The following FHIP2A variants were observed in gnomAD, a reference collection of about 807,000 sequenced individuals.
FHIP2A encodes the protein family with sequence similarity 160 member B1.
In FHIP2A, 46 loss-of-function variants were observed where a neutral mutation model predicts 93.5. The ratio of observed to expected loss-of-function variants is 0.49; its 90% CI spans 0.39 to 0.63. FHIP2A has a LOEUF of 0.63. FHIP2A is among the 20% of genes least tolerant of loss of function. FHIP2A has a pLI of 0.00. For missense variants in FHIP2A, 769 were observed against 909.7 expected (o/e 0.85, Z 1.99); for synonymous variants, 332 against 326.5 (o/e 1.02, Z -0.18).
In FHIP2A at chr10:114,821,857, C is replaced by CCTCGCCG. The variant is rs2083525270; in HGVS notation, c.-220_-214dup. On this transcript the variant is annotated 5_prime_UTR_variant, in exon 1 of 17. Transcript: ENST00000369248. ...GCCCCGAGTCCTCGCCGAACGCCCT[C>CCTCGCCG]CTCGCCGCCCGCCGCGTCCCGGCGC... is the stretch of plus-strand genomic sequence containing the variant. 1 of 266,748 alleles carries CCTCGCCG rather than the reference C, an allele frequency of 3.7e-6. No homozygotes were observed. Among genetic ancestry groups the CCTCGCCG allele is most frequent in the African/African-American group, 2.2e-5 (1 of 44,456 alleles). 16.5% of individuals were successfully genotyped at this position (266,748 alleles called of 1,614,324 possible).
chr10:114,875,974 G>T lies in FHIP2A; in HGVS notation c.2192+14640G>T, dbSNP rs866682864. Among the ~76,000 whole-genome samples, 3 of 150,660 alleles carry T rather than the reference G, an allele frequency of 2.0e-5. 1 individual carries two copies. In the South Asian group the frequency reaches 6.4e-4, roughly 32 times the overall value. The stretch of plus-strand genomic sequence containing the variant: ...GAAAGAAAGGAAAGAAGGTAGGAAG[G>T]TAAGAGAGAAAGAAAGAAAGAAAAA... On this transcript the variant is annotated intron_variant, in intron 16 of 16. Coordinates refer to the FHIP2A transcript ENST00000369250.
chr10:114,835,177 C>T (rs572852363), intron 3 of FHIP2A, among the ~76,000 whole-genome samples: 71 of 152,190 alleles, frequency 4.7e-4, no homozygotes, highest in African/African-American at 1.6e-3. Context: ...TTTGTTCCAG[C>T]GGGGTGTTAA....
chr10:114,896,400 C>T (rs547406032), intron 16 of FHIP2A, among the ~76,000 whole-genome samples: 2 of 152,240 alleles, frequency 1.3e-5, no homozygotes, highest in South Asian at 4.2e-4. Flanking sequence ...TCCATGGCAT[C>T]TTACAGAAAT....
At chr10:114,853,699 CT>C (rs1431648489) in intron 13 of FHIP2A, among the ~76,000 whole-genome samples, 1 of 152,130 alleles carries the variant, frequency 6.6e-6, no homozygotes, top group East Asian at 1.9e-4. Context: ...AAAATGATTT[CT>C]TAAAAATTGA....
chr10:114,893,163 G>C (rs1038301606), intron 16 of FHIP2A, among the ~76,000 whole-genome samples: 3 of 152,260 alleles, frequency 2.0e-5, no homozygotes, highest in African/African-American at 7.2e-5. Context: ...AAGATTATTA[G>C]CATAGTCTCT....
intron 16 of FHIP2A, among the ~76,000 whole-genome samples, chr10:114,883,223 C>T (rs75208099): frequency 0.034 from 5,182 of 152,226 alleles, 120 homozygotes; most frequent in Non-Finnish European, 0.053. Context: ...TCACACTCTT[C>T]CTATGAGGAA....
chr10:114,894,395 CA>C (rs3086069), intron 16 of FHIP2A, among the ~76,000 whole-genome samples: 7,148 of 109,182 alleles, frequency 0.065, 534 homozygotes, highest in African/African-American at 0.2. Flanking sequence ...CCCATCTCTA[CA>C]AAAAAAAAAA....
chr10:114,851,556 A>G (rs2083736130), intron 13 of FHIP2A, among the ~76,000 whole-genome samples: 1 of 152,006 alleles, frequency 6.6e-6, no homozygotes, highest in South Asian at 2.1e-4. Context: ...ACCTGTCCTT[A>G]TCCCAGCACC....
chr10:114,855,367 C>T (rs2083760956), intron 14 of FHIP2A, 27 bp downstream of exon 14: 1 of 1,584,850 alleles, frequency 6.3e-7, no homozygotes, highest in African/African-American at 1.4e-5. Context: ...TACTAATTTT[C>T]ATATTTTTTT....
chr10:114,843,610 A>T, intron 6 of FHIP2A, 131 bp from the exon 7 acceptor site: 1 of 735,856 alleles, frequency 1.4e-6, no homozygotes, highest in Non-Finnish European at 2.0e-6. Flanking sequence ...GGCCAATAAT[A>T]TGCATTTAAA....
At position 114,846,272 on chromosome 10, in the gene FHIP2A, C is replaced by G; in HGVS notation, c.1303C>G (p.Leu435Val). ...VLLQEMVFFI[L>V]GEQREPETLA... ...GCTTCAAGAAATGGTGTTTTTTATC[C>G]TTGGAGAACAGAGGGAACCAGAAAC... The change falls in exon 10 of 17, where the codon CTT (leucine) becomes GTT (valine). Residue 435 changes from leucine to valine, a missense_variant. Coordinates refer to ENST00000369248, the MANE Select transcript of FHIP2A (RefSeq NM_020940.4). 1 of 1,614,070 alleles carries G rather than the reference C, an allele frequency of 6.2e-7. No homozygotes were observed. The highest frequency in any genetic ancestry group is 8.5e-7 in the Non-Finnish European group (1 of 1,179,992).
At chr10:114,847,741 C>G (rs1383402621) in intron 12 of FHIP2A, among the ~76,000 whole-genome samples, 4 of 145,956 alleles carry the variant, frequency 2.7e-5, no homozygotes, top group African/African-American at 5.0e-5. Flanking sequence ...TCAAAGTTCC[C>G]TCCCCCACCT....
rs1358134596 is a variant in FHIP2A, at chr10:114,862,887, C to G, written c.*1347C>G. 2.0e-6 allele frequency: 2 copies of G among 985,270 alleles called. No individual in the cohort carries two copies. Among genetic ancestry groups the G allele is most frequent in the Non-Finnish European group, 2.4e-6 (2 of 829,916 alleles). 61.0% of individuals were successfully genotyped at this position (985,270 alleles called of 1,614,324 possible). The stretch of plus-strand genomic sequence containing the variant: ...GGCTTGAAGGGAACTGTCACTACCC[C>G]CTCTAGGAAGTTATTTTATGTAGCA... On this transcript the variant is annotated 3_prime_UTR_variant, in exon 17 of 17. Coordinates refer to ENST00000369248, the MANE Select transcript of FHIP2A (RefSeq NM_020940.4).
chr10:114,838,084 G>T (rs1051287641), intron 5 of FHIP2A, among the ~76,000 whole-genome samples: 1 of 152,176 alleles, frequency 6.6e-6, no homozygotes, highest in African/African-American at 2.4e-5. Context: ...ATAAGAAACC[G>T]CCAAACTGTT....
intron 5 of FHIP2A, among the ~76,000 whole-genome samples, chr10:114,841,290 TGG>T (rs1169410457): frequency 1.5e-5 from 2 of 129,850 alleles, no homozygotes; most frequent in Non-Finnish European, 3.3e-5. Context: ...GATATGCCAT[TGG>T]TTTTTTTTTT....
intron 13 of FHIP2A, among the ~76,000 whole-genome samples, chr10:114,852,448 T>TGG (rs2083742905): frequency 1.3e-5 from 2 of 152,200 alleles, no homozygotes; most frequent in Non-Finnish European, 2.9e-5. Flanking sequence ...GGCATATCCA[T>TGG]CCTCCTGGTC....
At chr10:114,838,105 C>G (rs2083646757) in intron 5 of FHIP2A, among the ~76,000 whole-genome samples, 1 of 152,160 alleles carries the variant, frequency 6.6e-6, no homozygotes, top group Admixed American at 6.5e-5. Context: ...TCCCAAGTGG[C>G]TTTGTCATTT....
chr10:114,887,491 CACAG>C (rs1461906812), intron 16 of FHIP2A, among the ~76,000 whole-genome samples: 1 of 152,174 alleles, frequency 6.6e-6, no homozygotes. Flanking sequence ...GAAACTAACG[CACAG>C]ACAAACAATT....
At chr10:114,830,693 T>C (rs113167197) in intron 1 of FHIP2A, among the ~76,000 whole-genome samples, 159 bp from the exon 2 acceptor site, 4,923 of 152,326 alleles carry the variant, frequency 0.032, 112 homozygotes, top group Middle Eastern at 0.041. Context: ...TTCTTGGATT[T>C]GACTTATTTT....
Sources: gnomAD v4.1 joint callset for allele counts (sites outside exome capture counted in the v4.1 genomes callset) on GRCh38, gnomAD v4.1.1 for gene constraint, MANE v1.5 for transcripts, NCBI Gene and HGNC (gene_info 2026-07-23, HGNC 2026-07-21) for gene names.